Variants in HOOK3 observed in about 807,000 individuals in gnomAD.
HOOK3 encodes the protein hook microtubule tethering protein 3.
Under a neutral mutation model 116.3 loss-of-function variants are expected in HOOK3, and 24 were observed. The ratio of observed to expected loss-of-function variants is 0.21; its 90% CI spans 0.15 to 0.29. HOOK3 has a LOEUF of 0.29. HOOK3 is among the 10% of genes least tolerant of loss of function. The pLI, the probability that HOOK3 is intolerant of heterozygous loss-of-function variation, is 1.00. For missense variants in HOOK3, 632 were observed against 830.2 expected (o/e 0.76, Z 2.93); for synonymous variants, 275 against 283.0 (o/e 0.97, Z 0.28).
intron 18 of HOOK3, among the ~76,000 whole-genome samples, chr8:43,009,961 A>G (rs1160707691): frequency 6.6e-6 from 1 of 152,096 alleles, no homozygotes; most frequent in Non-Finnish European, 1.5e-5. Context: ...TAATGTCTCC[A>G]TATCATAGCA....
chr8:42,938,798 A>AG (rs1227096535), intron 4 of HOOK3, among the ~76,000 whole-genome samples: 1 of 151,938 alleles, frequency 6.6e-6, no homozygotes, highest in Non-Finnish European at 1.5e-5. Flanking sequence ...ACAATAGTGG[A>AG]GGGAAGATCA....
chr8:42,993,241 A>G (rs1256547197), intron 15 of HOOK3, among the ~76,000 whole-genome samples: 7 of 152,160 alleles, frequency 4.6e-5, no homozygotes, highest in Non-Finnish European at 8.8e-5. Flanking sequence ...TTGCATCAAT[A>G]TTCATTAGTT....
intron 1 of HOOK3, among the ~76,000 whole-genome samples, chr8:42,902,687 C>G (rs745517003): frequency 6.6e-6 from 1 of 152,150 alleles, no homozygotes; most frequent in Non-Finnish European, 1.5e-5. Flanking sequence ...CATTCTGAAG[C>G]AACACACCCT....
Position 43,022,760 on chromosome 8 carries a change from A to G in HOOK3, c.*4262A>G, listed in dbSNP as rs117368202. The G allele has an allele frequency of 0.015, 2,782 of 179,830 alleles. 41 individuals carry two copies. Among genetic ancestry groups the G allele is most frequent in the Middle Eastern group, 0.024 (11 of 468 alleles). The allele number at this position is 179,830 out of a possible 1,614,324, so 11.1% of individuals were successfully genotyped here. A position where few individuals can be genotyped will look rare whatever the true frequency, so the allele number is the denominator to read the frequency against. Reference sequence around the variant, plus strand: ...TGTTCCAAAATTTACCAAGATTGACATTTCTATTAGACATCCTTAACCTAA... The same window carrying G: ...TGTTCCAAAATTTACCAAGATTGACGTTTCTATTAGACATCCTTAACCTAA... On this transcript the variant is annotated 3_prime_UTR_variant, in exon 22 of 22. Coordinates refer to ENST00000307602, the MANE Select transcript of HOOK3 (RefSeq NM_032410.4).
Position 43,018,637 on chromosome 8 carries a change from T to G in HOOK3, c.*139T>G, listed in dbSNP as rs1013554251. 2.4e-6 allele frequency: 2 copies of G among 825,074 alleles called. No individual in the cohort carries two copies. Among genetic ancestry groups the G allele is most frequent in the Non-Finnish European group, 1.7e-6 (1 of 574,000 alleles). 51.1% of individuals were successfully genotyped at this position (825,074 alleles called of 1,614,324 possible). ...ACTTAGTGTTTCTCATTTTGAGGAC[T>G]TTTTCTCTCTCCTGTATCTTTGTTT... is the stretch of plus-strand genomic sequence containing the variant. On this transcript the variant is annotated 3_prime_UTR_variant, in exon 22 of 22. Coordinates refer to ENST00000307602, the MANE Select transcript of HOOK3 (RefSeq NM_032410.4).
chr8:43,025,459 A>T lies in HOOK3; in HGVS notation c.*6961A>T. ...AATACAATGAAAACTTGCATTATCT[A>T]AACAGATGTTCCCAAAGCAATAGTT... is the stretch of plus-strand genomic sequence containing the variant. On this transcript the variant is annotated 3_prime_UTR_variant, in exon 22 of 22. Coordinates refer to ENST00000307602, the MANE Select transcript of HOOK3 (RefSeq NM_032410.4). The T allele has an allele frequency of 4.7e-6, 1 of 214,102 alleles. No homozygotes were observed. The highest frequency in any genetic ancestry group is 7.0e-5 in the East Asian group (1 of 14,202). The allele number at this position is 214,102 out of a possible 1,614,324, so 13.3% of individuals were successfully genotyped here.
At chr8:42,903,909 T>C (rs917032496) in intron 1 of HOOK3, among the ~76,000 whole-genome samples, 2 of 151,822 alleles carry the variant, frequency 1.3e-5, no homozygotes, top group African/African-American at 4.8e-5. Flanking sequence ...TGAGCCGATA[T>C]CGCGCCACTG....
intron 4 of HOOK3, among the ~76,000 whole-genome samples, chr8:42,939,688 G>C (rs956974407): frequency 5.3e-5 from 8 of 151,920 alleles, no homozygotes; most frequent in African/African-American, 1.9e-4. Context: ...TCCCCAGACT[G>C]GGTGGCTGCT....
rs927234815 is a variant in HOOK3, at chr8:43,023,155, G to A, written c.*4657G>A. The A allele has an allele frequency of 1.4e-5, 2 of 146,578 alleles. No homozygotes were observed. Among genetic ancestry groups the A allele is most frequent in the Non-Finnish European group, 2.9e-5 (2 of 69,342 alleles). 9.1% of individuals were successfully genotyped at this position (146,578 alleles called of 1,614,324 possible). A position where few individuals can be genotyped will look rare whatever the true frequency, so the allele number is the denominator to read the frequency against. On this transcript the variant is annotated 3_prime_UTR_variant, in exon 22 of 22. Coordinates refer to ENST00000307602, the MANE Select transcript of HOOK3 (RefSeq NM_032410.4). ...CAGGAGGTGGAGGTTGCAGTAAGCC[G>A]AGATTGTGCCACTGCACTCCAGCCT...
In HOOK3 at chr8:43,025,417, A is replaced by T; in HGVS notation, c.*6919A>T. The T allele has an allele frequency of 9.3e-6, 2 of 214,192 alleles. No homozygotes were observed. The highest frequency in any genetic ancestry group is 7.0e-5 in the East Asian group (1 of 14,230). The allele number at this position is 214,192 out of a possible 1,614,324, so 13.3% of individuals were successfully genotyped here. ...ATAGCCTAATTATAAACAAATATGC[A>T]GGCAGAGGGAAGTCCTAATACAATG... On this transcript the variant is annotated 3_prime_UTR_variant, in exon 22 of 22. Coordinates refer to ENST00000307602, the MANE Select transcript of HOOK3 (RefSeq NM_032410.4).
chr8:42,913,687 A>G (rs1389138550), intron 2 of HOOK3, among the ~76,000 whole-genome samples: 1 of 152,222 alleles, frequency 6.6e-6, no homozygotes, highest in Non-Finnish European at 1.5e-5. Context: ...TTAATATTCA[A>G]GAAACTGACA....
At chr8:42,938,916 C>G (rs998735850) in intron 4 of HOOK3, among the ~76,000 whole-genome samples, 2 of 152,008 alleles carry the variant, frequency 1.3e-5, no homozygotes, top group Non-Finnish European at 2.9e-5. Context: ...GTGGTGATGA[C>G]TCTTAACGAG....
chr8:42,899,810 G>A (rs943830016), intron 1 of HOOK3, among the ~76,000 whole-genome samples: 7 of 152,278 alleles, frequency 4.6e-5, no homozygotes, highest in East Asian at 1.9e-4. Context: ...GAATGATTCC[G>A]TCTTTGGGAT....
chr8:42,957,445 T>G (rs1808456504), intron 7 of HOOK3, among the ~76,000 whole-genome samples: 1 of 152,194 alleles, frequency 6.6e-6, no homozygotes, highest in Admixed American at 6.5e-5. Context: ...TAGTCATGAA[T>G]TTTTATTTTT....
intron 1 of HOOK3, among the ~76,000 whole-genome samples, chr8:42,905,397 C>T (rs549103681): frequency 6.7e-6 from 1 of 149,572 alleles, no homozygotes. Context: ...ACTGCATTGG[C>T]CTAATCTTAA....
chr8:43,028,526 A>G lies in HOOK3; in HGVS notation c.*10028A>G, dbSNP rs1022242205. ...TTTTTTTTGTTTCTGTCCCTTAAAC[A>G]TTTCCCCTGAAAGTCCACCTCAAAG... On this transcript the variant is annotated 3_prime_UTR_variant, in exon 22 of 22. Transcript: ENST00000307602. The G allele has an allele frequency of 3.7e-5, 7 of 189,078 alleles. No homozygotes were observed. Among genetic ancestry groups the G allele is most frequent in the Middle Eastern group, 2.0e-3 (1 of 506 alleles). 11.7% of individuals were successfully genotyped at this position (189,078 alleles called of 1,614,324 possible).
At chr8:43,010,496 C>A in intron 19 of HOOK3, 91 bp downstream of exon 19, 1 of 334,526 alleles carries the variant, frequency 3.0e-6, no homozygotes, top group South Asian at 4.7e-5. Context: ...ACAGCAACTT[C>A]TTAATGCAGA....
chr8:42,932,126 T>C (rs566370499), intron 4 of HOOK3, among the ~76,000 whole-genome samples: 1 of 152,284 alleles, frequency 6.6e-6, no homozygotes, highest in East Asian at 1.9e-4. Context: ...AGGACAGTGC[T>C]ATTACACTGC....
intron 15 of HOOK3, among the ~76,000 whole-genome samples, chr8:42,989,735 C>T (rs1482968673): frequency 1.3e-5 from 2 of 152,070 alleles, no homozygotes; most frequent in Non-Finnish European, 2.9e-5. Context: ...TTAACCTCTC[C>T]CCACTACCCT....
Sources: gnomAD v4.1 joint callset for allele counts (sites outside exome capture counted in the v4.1 genomes callset) on GRCh38, gnomAD v4.1.1 for gene constraint, MANE v1.5 for transcripts, NCBI Gene and HGNC (gene_info 2026-07-23, HGNC 2026-07-21) for gene names.